PTPN21: variants seen among roughly 807,000 people sequenced by gnomAD.
The protein encoded by PTPN21 is tyrosine-protein phosphatase non-receptor type 21.
A neutral mutation model predicts 131.8 loss-of-function variants in PTPN21; 77 were observed. That is an observed-to-expected ratio of 0.58 (90% CI 0.49 to 0.71). The LOEUF is 0.71. Among genes scored for constraint, PTPN21 ranks in the 30% least tolerant of loss-of-function variants. PTPN21 has a pLI of 0.00. For missense variants in PTPN21, 1,552 were observed against 1,527.1 expected, an observed-to-expected ratio of 1.02 and a Z score of -0.27; for synonymous variants, 715 against 621.3, an observed-to-expected ratio of 1.15 and a Z score of -2.24.
At chr14:88,506,791 C>T (rs909608983) in intron 4 of PTPN21, among the ~76,000 whole-genome samples, 1 of 152,074 alleles carries the variant, frequency 6.6e-6, no homozygotes, top group Non-Finnish European at 1.5e-5. Flanking sequence ...TCTATAATCC[C>T]GGCACTTTGG....
At chr14:88,494,255 G>C (rs543868514) in intron 10 of PTPN21, among the ~76,000 whole-genome samples, 1 of 152,226 alleles carries the variant, frequency 6.6e-6, no homozygotes, top group South Asian at 2.1e-4. Flanking sequence ...CTAGGGTGAG[G>C]CACATCTGCA....
At chr14:88,521,920 G>A (rs2078400428) in intron 2 of PTPN21, among the ~76,000 whole-genome samples, 1 of 152,124 alleles carries the variant, frequency 6.6e-6, no homozygotes, top group Non-Finnish European at 1.5e-5. Flanking sequence ...CAATCTGCTA[G>A]CATTCTGTTA....
intron 13 of PTPN21, among the ~76,000 whole-genome samples, chr14:88,474,110 CG>C (rs1566808211): frequency 3.1e-5 from 2 of 65,486 alleles, no homozygotes; most frequent in Non-Finnish European, 6.0e-5. Flanking sequence ...ACAAGACAGA[CG>C]TAACAAATCA....
intron 15 of PTPN21, among the ~76,000 whole-genome samples, chr14:88,470,930 G>A (rs976010147): frequency 4.5e-4 from 68 of 152,120 alleles, no homozygotes; most frequent in African/African-American, 7.7e-4. Flanking sequence ...AGATCTAGGC[G>A]TCAGACCCAG....
At position 88,479,733 on chromosome 14, in the gene PTPN21, G is replaced by T; in HGVS notation, c.1698C>A (p.Pro566=). 1 of 1,009,986 alleles carries T rather than the reference G, an allele frequency of 9.9e-7. No individual in the cohort carries two copies. The highest frequency in any genetic ancestry group is 1.4e-6 in the Non-Finnish European group (1 of 717,184). 62.6% of individuals were successfully genotyped at this position (1,009,986 alleles called of 1,614,324 possible). The change falls in exon 13 of 19, where the codon CCC becomes CCA. Residue 566 remains proline, a synonymous_variant. Coordinates refer to ENST00000556564, the MANE Select transcript of PTPN21 (RefSeq NM_007039.4). The part of the protein sequence containing the change: ...NIMRTQVYRP[P]PPYPPPRPAN... Reference sequence around the variant, plus strand: ...CGGGCCTGGGGGGCGGGTAGGGTGGGGGTGGCCGGTACACCTGCGTCCGCA... The same window carrying T: ...CGGGCCTGGGGGGCGGGTAGGGTGGTGGTGGCCGGTACACCTGCGTCCGCA...
chr14:88,517,291 C>G (rs1464880986), intron 2 of PTPN21, 30 bp from the exon 3 acceptor site: 10 of 1,604,000 alleles, frequency 6.2e-6, no homozygotes, highest in Non-Finnish European at 8.5e-6. Flanking sequence ...TTGAAGGAGG[C>G]AATAACATAC....
At chr14:88,499,861 C>T (rs952428330) in intron 8 of PTPN21, among the ~76,000 whole-genome samples, 2 of 152,136 alleles carry the variant, frequency 1.3e-5, no homozygotes, top group Non-Finnish European at 2.9e-5. Context: ...TATGGTCCAA[C>T]TTACTATCTT....
chr14:88,512,307 C>T (rs1159609758), intron 3 of PTPN21: 1 of 152,074 alleles, frequency 6.6e-6, no homozygotes, highest in Non-Finnish European at 1.5e-5. Flanking sequence ...CTTCATAATA[C>T]CCAATACCTG....
Position 88,473,724 on chromosome 14 carries a change from G to T in PTPN21, c.2590C>A (p.Arg864=), listed in dbSNP as rs759677358. Residue 864 remains arginine, a synonymous_variant, in exon 14 of 19, where the codon CGA becomes AGA. Coordinates refer to ENST00000556564, the MANE Select transcript of PTPN21 (RefSeq NM_007039.4). ...LAALNGLSLS[R]VPLPDEGKEV... ...TTTCCTTCATCAGGCAGAGGCACTC[G>T]AGATAGGGAGAGTCCATTTAGGGCA... The T allele has an allele frequency of 1.2e-5, 20 of 1,611,246 alleles. No homozygotes were observed. Among genetic ancestry groups the T allele is most frequent in the Admixed American group, 5.1e-5 (3 of 59,180 alleles).
chr14:88,496,538 A>T, intron 9 of PTPN21, 46 bp from the exon 10 acceptor site: 1 of 1,401,180 alleles, frequency 7.1e-7, no homozygotes, highest in Non-Finnish European at 1.0e-6. Context: ...CACACATACA[A>T]CTTGATACGT....
At chr14:88,553,343 A>T (rs759603793) in intron 1 of PTPN21, among the ~76,000 whole-genome samples, 7 of 152,196 alleles carry the variant, frequency 4.6e-5, no homozygotes, top group Non-Finnish European at 8.8e-5. Context: ...CTATGTTAAA[A>T]CAATGATTTT....
chr14:88,506,174 A>C (rs2078084481), intron 4 of PTPN21, among the ~76,000 whole-genome samples: 1 of 152,008 alleles, frequency 6.6e-6, no homozygotes, highest in East Asian at 1.9e-4. Flanking sequence ...CCCTATCTCT[A>C]TAAAAAATTT....
At chr14:88,544,909 CCT>C (rs1225723784) in intron 2 of PTPN21, among the ~76,000 whole-genome samples, 1 of 151,996 alleles carries the variant, frequency 6.6e-6, no homozygotes, top group East Asian at 1.9e-4. Flanking sequence ...CTCATTGCAA[CCT>C]CTGTCTCTCG....
At chr14:88,547,196 A>G (rs1342439256) in intron 2 of PTPN21, among the ~76,000 whole-genome samples, 1 of 152,148 alleles carries the variant, frequency 6.6e-6, no homozygotes, top group Non-Finnish European at 1.5e-5. Flanking sequence ...CCTGGTATAA[A>G]AATAAATAAA....
chr14:88,548,655 T>C (rs147219323), intron 2 of PTPN21, among the ~76,000 whole-genome samples: 83 of 152,286 alleles, frequency 5.5e-4, no homozygotes, highest in African/African-American at 1.8e-3. Flanking sequence ...ATATAAGTGA[T>C]TGGATGGTCA....
intron 2 of PTPN21, among the ~76,000 whole-genome samples, chr14:88,536,991 C>T (rs976205962): frequency 1.1e-4 from 16 of 152,148 alleles, no homozygotes; most frequent in African/African-American, 2.2e-4. Flanking sequence ...CAGATAGTGG[C>T]GGTCACATTG....
rs763110768 is a variant in PTPN21 at position 88,473,849 on chromosome 14, C to T, written c.2512-47G>A. The T allele has an allele frequency of 1.4e-5, 21 of 1,527,700 alleles. No homozygotes were observed. The Admixed American group carries it at 2.7e-4, about 19-fold the overall frequency. 94.6% of individuals were successfully genotyped at this position (1,527,700 alleles called of 1,614,324 possible). On this transcript the variant is annotated intron_variant, in intron 13 of 18. Coordinates refer to ENST00000556564, the MANE Select transcript of PTPN21 (RefSeq NM_007039.4). ...TATATGAAATATACACAAATACAAC[C>T]CCTGTGAAAAGAAGTTTCAATGCAC...
Position 88,479,931 on chromosome 14 carries a change from T to G in PTPN21, c.1500A>C (p.Ala500=). The change falls in exon 13 of 19, where the codon GCA becomes GCC. Residue 500 remains alanine (A), a synonymous_variant. Coordinates refer to ENST00000556564, the MANE Select transcript of PTPN21 (RefSeq NM_007039.4). The part of the protein sequence containing the change: ...VYSQPEIREH[A]QLPSPAAAHC... ...GTGCGGCCGCTGGCGAGGGGAGCTGTGCGTGCTCGCGGATCTCGGGCTGGC... is the reference window on the plus strand; with the variant it reads ...GTGCGGCCGCTGGCGAGGGGAGCTGGGCGTGCTCGCGGATCTCGGGCTGGC... 2 of 1,605,314 alleles carry G rather than the reference T, an allele frequency of 1.2e-6. No homozygotes were observed. The highest frequency in any genetic ancestry group is 1.7e-4 in the Middle Eastern group (1 of 6,056).
At chr14:88,492,051 C>CA (rs2077833472) in intron 10 of PTPN21, among the ~76,000 whole-genome samples, 1 of 147,326 alleles carries the variant, frequency 6.8e-6, no homozygotes, top group African/African-American at 2.6e-5. Flanking sequence ...CAAAACAAAA[C>CA]AAACAAACAA....
Sources: gnomAD v4.1 joint callset for allele counts (sites outside exome capture counted in the v4.1 genomes callset) on GRCh38, gnomAD v4.1.1 for gene constraint, MANE v1.5 for transcripts, NCBI Gene and HGNC (gene_info 2026-07-23, HGNC 2026-07-21) for gene names.